PANK3: variants seen among roughly 807,000 people sequenced by gnomAD.
PANK3 encodes hPanK3.
In PANK3, 20 loss-of-function variants were observed where a neutral mutation model predicts 39.4. That is an observed-to-expected ratio of 0.51 (90% CI 0.36 to 0.74). The LOEUF is 0.74. PANK3 is among the 30% of genes least tolerant of loss of function. PANK3 has a pLI of 0.00. For synonymous variants in PANK3, 140 were observed against 157.3 expected (o/e 0.89, Z 0.82); for missense variants, 265 against 437.0 (o/e 0.61, Z 3.51).
Position 168,553,634 on chromosome 5 carries a change from T to TC in PANK3, c.*3936_*3937insG. 5.6e-6 allele frequency: 1 copy of TC among 178,796 alleles called. No individual in the cohort carries two copies. The highest frequency in any genetic ancestry group is 2.4e-5 in the African/African-American group (1 of 42,100). The allele number at this position is 178,796 out of a possible 1,614,324, so 11.1% of individuals were successfully genotyped here. On this transcript the variant is annotated 3_prime_UTR_variant, in exon 7 of 7. Transcript: ENST00000239231. ...CTCAGGAGCACTGATGACTCCAATG[T>TC]TGTAGCCAAACTGAAAAGAAGAGGT...
At position 168,554,562 on chromosome 5, in the gene PANK3, G is replaced by C. The variant is rs990634317; in HGVS notation, c.*3009C>G. 1 of 151,944 alleles carries C rather than the reference G, an allele frequency of 6.6e-6. No individual in the cohort carries two copies. Among genetic ancestry groups the C allele is most frequent in the Non-Finnish European group, 1.5e-5 (1 of 67,946 alleles). 9.4% of individuals were successfully genotyped at this position (151,944 alleles called of 1,614,324 possible). On this transcript the variant is annotated 3_prime_UTR_variant, in exon 7 of 7. Transcript: ENST00000239231. ...ATGAATTATTAGAGTGGTTATTTAG[G>C]AGGAAAAGCGTGTAAAGTTAAGTTT...
intron 1 of PANK3, among the ~76,000 whole-genome samples, chr5:168,570,336 G>T (rs1156546108): frequency 4.0e-5 from 6 of 148,214 alleles, no homozygotes; most frequent in African/African-American, 1.5e-4. Context: ...AGTGAGCAGA[G>T]ATCGCGCCAT....
intron 2 of PANK3, among the ~76,000 whole-genome samples, 166 bp downstream of exon 2, chr5:168,568,480 T>C (rs1045908415): frequency 6.6e-6 from 1 of 152,114 alleles, no homozygotes; most frequent in African/African-American, 2.4e-5. Context: ...CCGGGCAATT[T>C]TTACTCATCT....
At chr5:168,562,261 T>A (rs1582462931) in intron 4 of PANK3, among the ~76,000 whole-genome samples, 1 of 151,964 alleles carries the variant, frequency 6.6e-6, no homozygotes, top group African/African-American at 2.4e-5. Context: ...AACAAAAAAA[T>A]ATCTTTTATT....
intron 1 of PANK3, among the ~76,000 whole-genome samples, chr5:168,569,500 T>C (rs1263132796): frequency 1.3e-5 from 2 of 151,890 alleles, no homozygotes; most frequent in Non-Finnish European, 2.9e-5. Context: ...CCCTTCAAAG[T>C]TTTATTAATA....
intron 2 of PANK3, among the ~76,000 whole-genome samples, chr5:168,568,254 GGAGATGGCCCT>G (rs1258936997): frequency 6.6e-6 from 1 of 152,194 alleles, no homozygotes; most frequent in East Asian, 1.9e-4. Flanking sequence ...GGTTTGGGAA[GGAGATGGCCCT>G]GGAAGATTAA....
chr5:168,568,620 T>A (rs779672597), intron 2 of PANK3, 26 bp downstream of exon 2: 1 of 1,496,230 alleles, frequency 6.7e-7, no homozygotes, highest in Non-Finnish European at 9.2e-7. Flanking sequence ...GGTATCAATT[T>A]TCAGTTTTGA....
At chr5:168,559,215 G>A in intron 5 of PANK3, 58 bp from the exon 6 acceptor site, 3 of 1,140,748 alleles carry the variant, frequency 2.6e-6, no homozygotes, top group Non-Finnish European at 3.6e-6. Context: ...CAATATAAAA[G>A]GTTTCTAAAT....
In PANK3 at chr5:168,556,607, A is replaced by G. The variant is rs1360373103; in HGVS notation, c.*964T>C. ...GTGACCGTCCTCTAACTGCACCTCT[A>G]TTTCTGGCTCCTCAAACAGCAAAGG... On this transcript the variant is annotated 3_prime_UTR_variant, in exon 7 of 7. Transcript: ENST00000239231. The G allele has an allele frequency of 6.6e-6, 1 of 152,578 alleles. No individual in the cohort carries two copies. The highest frequency in any genetic ancestry group is 1.9e-4 in the East Asian group (1 of 5,194). 9.5% of individuals were successfully genotyped at this position (152,578 alleles called of 1,614,324 possible). A position where few individuals can be genotyped will look rare whatever the true frequency, so the allele number is the denominator to read the frequency against.
intron 1 of PANK3, among the ~76,000 whole-genome samples, chr5:168,573,171 G>C (rs1339715183): frequency 6.6e-6 from 1 of 151,760 alleles, no homozygotes; most frequent in Non-Finnish European, 1.5e-5. Context: ...AAAATTGCAG[G>C]CTCCTTCTAT....
At chr5:168,565,020 A>T (rs1331436570) in intron 3 of PANK3, among the ~76,000 whole-genome samples, 2 of 152,196 alleles carry the variant, frequency 1.3e-5, no homozygotes, top group African/African-American at 4.8e-5. Flanking sequence ...CTACCCCTGA[A>T]TCACTGTTGG....
At chr5:168,570,400 G>T (rs866369931) in intron 1 of PANK3, among the ~76,000 whole-genome samples, 2 of 138,066 alleles carry the variant, frequency 1.4e-5, no homozygotes, top group African/African-American at 2.8e-5. Context: ...AAAAAAAAAA[G>T]AAAGAAAGAA....
intron 1 of PANK3, among the ~76,000 whole-genome samples, chr5:168,578,283 C>G (rs767526969): frequency 2.6e-5 from 4 of 152,234 alleles, no homozygotes; most frequent in Non-Finnish European, 4.4e-5. Context: ...CTTGTTGCCT[C>G]TCAGGTGAGT....
rs562505501 is a variant in PANK3 at position 168,570,494 on chromosome 5, A to G, written c.29-1496T>C. The stretch of plus-strand genomic sequence containing the variant: ...AATACCTGCCCTGAAGGAGCGCTCA[A>G]TGTAGCAGGGGAATATAAATAAAAC... On this transcript the variant is annotated intron_variant, in intron 1 of 6. Transcript: ENST00000239231. Among the ~76,000 whole-genome samples, 16 of 152,204 alleles carry G rather than the reference A, an allele frequency of 1.1e-4. No homozygotes were observed. In the South Asian group the frequency reaches 1.2e-3, roughly 12 times the overall value.
rs368234880 is a variant in PANK3 at position 168,569,008 on chromosome 5, G to GAAAA, written c.29-14_29-11dup. ...CCAAACCATGGGAAAGCTATGGGAG[G>GAAAA]AAAAAAAAAAAAAAAAAAAAAAATA... is the stretch of plus-strand genomic sequence containing the variant. On this transcript the variant is annotated splice_polypyrimidine_tract_variant and intron_variant, in intron 1 of 6. Transcript: ENST00000239231. 26 of 91,218 alleles carry GAAAA rather than the reference G, an allele frequency of 2.9e-4. No homozygotes were observed. Among genetic ancestry groups the GAAAA allele is most frequent in the Non-Finnish European group, 3.6e-4 (20 of 55,796 alleles). 5.7% of individuals were successfully genotyped at this position (91,218 alleles called of 1,614,324 possible). A position where few individuals can be genotyped will look rare whatever the true frequency, so the allele number is the denominator to read the frequency against.
chr5:168,561,543 A>C (rs972550505), intron 4 of PANK3, 27 bp from the exon 5 acceptor site: 2 of 1,541,426 alleles, frequency 1.3e-6, no homozygotes, highest in African/African-American at 2.8e-5. Context: ...AATAAAGTCA[A>C]ATCTGCTGAT....
chr5:168,563,601 G>A (rs1759478559), intron 4 of PANK3, among the ~76,000 whole-genome samples: 1 of 151,670 alleles, frequency 6.6e-6, no homozygotes, highest in South Asian at 2.1e-4. Flanking sequence ...TATAATGGTA[G>A]ATTACCTTTT....
chr5:168,567,103 G>A (rs1036903060), intron 2 of PANK3, among the ~76,000 whole-genome samples: 3 of 152,158 alleles, frequency 2.0e-5, no homozygotes, highest in Admixed American at 2.0e-4. Flanking sequence ...TAAAGCAAGG[G>A]AAAATTGTAC....
At chr5:168,565,868 A>AAAAAAAATATATATATATATATATATAT in intron 3 of PANK3, 145 bp downstream of exon 3, 2 of 131,382 alleles carry the variant, frequency 1.5e-5, no homozygotes, top group African/African-American at 3.6e-5. Context: ...AAAAAAAAAA[A>AAAAAAAATATATATATATATATATATAT]ATATATATAT....
Sources: allele counts gnomAD v4.1 joint callset (sites outside exome capture counted in the v4.1 genomes callset), GRCh38; gene constraint gnomAD v4.1.1; transcripts MANE v1.5; gene names NCBI Gene and HGNC (gene_info 2026-07-23, HGNC 2026-07-21).